Variants in TRPM8 observed in about 807,000 individuals in gnomAD.
The protein encoded by TRPM8 is TRPM8 cationic channel.
A neutral mutation model predicts 133.7 loss-of-function variants in TRPM8; 110 were observed. The ratio of observed to expected loss-of-function variants is 0.82; its 90% CI spans 0.70 to 0.96. The LOEUF is 0.96. Ranked by LOEUF, TRPM8 falls within the 40% of genes least tolerant of loss-of-function variation. TRPM8 has a pLI of 0.00. For missense variants in TRPM8, 1,291 were observed against 1,379.5 expected (o/e 0.94, Z 1.02); for synonymous variants, 535 against 532.3 (o/e 1.01, Z -0.07).
At chr2:234,015,361 T>G (rs1692934235) in intron 25 of TRPM8, among the ~76,000 whole-genome samples, 1 of 152,110 alleles carries the variant, frequency 6.6e-6, no homozygotes. Flanking sequence ...TTAGAATTTT[T>G]TTTTTTTTTG....
chr2:233,947,812 T>C (rs1011884839), intron 8 of TRPM8, among the ~76,000 whole-genome samples: 1 of 152,202 alleles, frequency 6.6e-6, no homozygotes, highest in African/African-American at 2.4e-5. Flanking sequence ...TATTTATTTG[T>C]TTTTAACTTT....
At position 233,999,556 on chromosome 2, in the gene TRPM8, A is replaced by T. The variant is rs569626386; in HGVS notation, c.3130+3040A>T. Among the ~76,000 whole-genome samples the T allele has an allele frequency of 3.3e-5, 5 of 151,442 alleles. No individual in the cohort carries two copies. In the East Asian group the frequency reaches 9.6e-4, roughly 29 times the overall value. On this transcript the variant is annotated intron_variant, in intron 22 of 25. Transcript: ENST00000324695. ...GCCCTGTTTGGCCACCTACCACTCT[A>T]GGCATCACTGAGCTGAATGCGCCGG...
chr2:233,950,242 C>A (rs1257630243), intron 9 of TRPM8, 96 bp downstream of exon 9: 6 of 1,256,722 alleles, frequency 4.8e-6, no homozygotes, highest in Non-Finnish European at 6.7e-6. Flanking sequence ...AGCAGCTGCA[C>A]GTGTTTGGTA....
At chr2:233,955,311 G>A (rs938876844) in intron 11 of TRPM8, 61 bp downstream of exon 11, 17 of 1,244,026 alleles carry the variant, frequency 1.4e-5, no homozygotes, top group Middle Eastern at 1.9e-4. Context: ...TCTGGGCAAT[G>A]TCTGATCCAT....
intron 14 of TRPM8, 30 bp from the exon 15 acceptor site, chr2:233,966,580 C>G: frequency 6.2e-7 from 1 of 1,613,394 alleles, no homozygotes. Flanking sequence ...GCTCTTACAC[C>G]AGCTTCTCTC....
intron 8 of TRPM8, 122 bp from the exon 9 acceptor site, chr2:233,949,827 C>A: frequency 2.6e-6 from 2 of 777,550 alleles, no homozygotes; most frequent in Non-Finnish European, 2.0e-6. Flanking sequence ...ATAAAAGCCC[C>A]AAAGGAAAAC....
At chr2:233,928,784 A>G (rs1367067729) in intron 2 of TRPM8, among the ~76,000 whole-genome samples, 1 of 152,210 alleles carries the variant, frequency 6.6e-6, no homozygotes, top group African/African-American at 2.4e-5. Context: ...GAGAAATAGC[A>G]TATCGCCCCC....
intron 2 of TRPM8, among the ~76,000 whole-genome samples, chr2:233,928,336 T>C (rs1171830357): frequency 1.3e-5 from 2 of 152,104 alleles, no homozygotes; most frequent in Admixed American, 6.5e-5. Flanking sequence ...CCTCAGCCCC[T>C]GCGGGTGACC....
chr2:233,991,476 G>A (rs1210099454), intron 21 of TRPM8, among the ~76,000 whole-genome samples: 1 of 152,168 alleles, frequency 6.6e-6, no homozygotes, highest in Non-Finnish European at 1.5e-5. Flanking sequence ...TGTCACCACG[G>A]GCCATGGGGC....
intron 17 of TRPM8, among the ~76,000 whole-genome samples, chr2:233,978,792 A>G (rs145550504): frequency 1.9e-3 from 289 of 152,304 alleles, no homozygotes; most frequent in African/African-American, 6.7e-3. Flanking sequence ...GACACACCCC[A>G]CGGTGCTGCC....
chr2:234,013,382 A>G (rs1028546190), intron 24 of TRPM8: 2 of 152,094 alleles, frequency 1.3e-5, no homozygotes, highest in Non-Finnish European at 2.9e-5. Flanking sequence ...CATTTCTGGG[A>G]TATTTCCATT....
At chr2:233,933,035 C>T (rs969923231) in intron 3 of TRPM8, among the ~76,000 whole-genome samples, 8 of 151,698 alleles carry the variant, frequency 5.3e-5, no homozygotes, top group East Asian at 1.9e-4. Context: ...AAGATGGTGC[C>T]GCACTTTTGC....
intron 5 of TRPM8, among the ~76,000 whole-genome samples, chr2:233,939,881 AG>A (rs912437058): frequency 1.3e-5 from 2 of 152,176 alleles, no homozygotes; most frequent in African/African-American, 4.8e-5. Context: ...CTCCTGTGAG[AG>A]GGGGTTTTCT....
chr2:233,932,666 G>T (rs1363199917), intron 3 of TRPM8, among the ~76,000 whole-genome samples: 2 of 151,950 alleles, frequency 1.3e-5, no homozygotes, highest in Non-Finnish European at 2.9e-5. Flanking sequence ...GAGATGTGGT[G>T]GGCAGCCGCA....
rs185569077 is a variant in TRPM8, at chr2:233,979,295, T to G, written c.2356-893T>G. ...CTTCGTGTCGTTTCTTTTCAACATG[T>G]TTAACATCTGTCTTTCCCACCAAAC... On this transcript the variant is annotated intron_variant, in intron 17 of 25. Coordinates refer to ENST00000324695, the MANE Select transcript of TRPM8 (RefSeq NM_024080.5). 5.1e-3 allele frequency among the ~76,000 whole-genome samples: 779 copies of G among 152,314 alleles called. 6 individuals carry two copies. Among genetic ancestry groups the G allele is most frequent in the African/African-American group, 0.018 (736 of 41,560 alleles).
intron 2 of TRPM8, among the ~76,000 whole-genome samples, chr2:233,927,843 CCTTCCTTCCTTTCTTTCT>C (rs1559516389): frequency 1.8e-5 from 1 of 56,396 alleles, no homozygotes; most frequent in East Asian, 6.5e-4. Context: ...TTCCTTCCTT[CCTTCCTTCCTTTCTTTCT>C]CTTTCTTTCT....
intron 8 of TRPM8, among the ~76,000 whole-genome samples, chr2:233,948,267 T>C (rs28901646): frequency 1.2e-4 from 18 of 152,324 alleles, no homozygotes; most frequent in African/African-American, 3.4e-4. Flanking sequence ...AAATTTACAA[T>C]TGAGATCATG....
chr2:233,918,487 C>T (rs1691346536), intron 1 of TRPM8, among the ~76,000 whole-genome samples: 1 of 152,062 alleles, frequency 6.6e-6, no homozygotes, highest in Non-Finnish European at 1.5e-5. Context: ...CCCTGCTTTT[C>T]CTCTTATTCT....
chr2:233,959,064 C>T (rs1262830747), intron 11 of TRPM8, among the ~76,000 whole-genome samples: 2 of 152,066 alleles, frequency 1.3e-5, no homozygotes, highest in Non-Finnish European at 2.9e-5. Flanking sequence ...TTGCTCTTGT[C>T]GTCCAGGCTG....
Sources: allele counts gnomAD v4.1 joint callset (sites outside exome capture counted in the v4.1 genomes callset), GRCh38; gene constraint gnomAD v4.1.1; transcripts MANE v1.5; gene names NCBI Gene and HGNC (gene_info 2026-07-23, HGNC 2026-07-21).